C14orf132: variants seen among roughly 807,000 people sequenced by gnomAD.
C14orf132 encodes the protein chromosome 14 open reading frame 132, also known as uncharacterized protein C14orf132.
In C14orf132, 6 loss-of-function variants were observed where a neutral mutation model predicts 5.8. The ratio of observed to expected loss-of-function variants is 1.03; its 90% CI spans 0.57 to 2.04. C14orf132 has a LOEUF of 2.04. Among genes scored for constraint, C14orf132 ranks in the 30% most tolerant of loss-of-function variants. The pLI, the probability that C14orf132 is intolerant of heterozygous loss-of-function variation, is 0.00. For missense variants in C14orf132, 125 were observed against 115.8 expected (o/e 1.08, Z -0.37); for synonymous variants, 51 against 49.8 (o/e 1.02, Z -0.10).
chr14:96,090,323 G>A lies in C14orf132; in HGVS notation c.*3588G>A, dbSNP rs185487723. ...AGGAGAATTGCTTGAACCAGGAGGCGGAGGCTGCAGTGAGCTGAGATTGTG... is the reference window on the plus strand; with the variant it reads ...AGGAGAATTGCTTGAACCAGGAGGCAGAGGCTGCAGTGAGCTGAGATTGTG... On this transcript the variant is annotated 3_prime_UTR_variant, in exon 2 of 2. Transcript: ENST00000555004. 286 of 213,318 alleles carry A rather than the reference G, an allele frequency of 1.3e-3. 1 individual carries two copies. Among genetic ancestry groups the A allele is most frequent in the Non-Finnish European group, 2.0e-3 (216 of 106,552 alleles). The allele number at this position is 213,318 out of a possible 1,614,324, so 13.2% of individuals were successfully genotyped here.
chr14:96,067,630 C>A (rs554155924), intron 1 of C14orf132, among the ~76,000 whole-genome samples: 10 of 151,410 alleles, frequency 6.6e-5, no homozygotes, highest in African/African-American at 2.4e-4. Context: ...ACCCAGGAGG[C>A]AGAGGTTGCT....
At chr14:96,044,652 G>T (rs1886785366) in intron 1 of C14orf132, among the ~76,000 whole-genome samples, 1 of 152,162 alleles carries the variant, frequency 6.6e-6, no homozygotes, top group Non-Finnish European at 1.5e-5. Flanking sequence ...CTCTGAAGGT[G>T]CTGGGGGTGG....
intron 1 of C14orf132, among the ~76,000 whole-genome samples, chr14:96,047,878 A>G (rs1411831955): frequency 6.6e-6 from 1 of 152,108 alleles, no homozygotes; most frequent in East Asian, 1.9e-4. Flanking sequence ...TGACTAACCT[A>G]CGTCGACACA....
chr14:96,056,987 C>A (rs1344607936), intron 1 of C14orf132, among the ~76,000 whole-genome samples: 1 of 152,172 alleles, frequency 6.6e-6, no homozygotes, highest in East Asian at 1.9e-4. Context: ...AAAGTATGCT[C>A]CATCTAATCA....
intron 1 of C14orf132, among the ~76,000 whole-genome samples, chr14:96,068,605 C>T (rs1195587211): frequency 1.3e-5 from 2 of 152,116 alleles, no homozygotes; most frequent in African/African-American, 4.8e-5. Context: ...GATGAGCACA[C>T]GGACCATGTA....
At chr14:96,070,896 C>T (rs907665434) in intron 1 of C14orf132, among the ~76,000 whole-genome samples, 21 of 152,188 alleles carry the variant, frequency 1.4e-4, no homozygotes, top group African/African-American at 5.1e-4. Flanking sequence ...GCAGCTAAAC[C>T]ACTGTGAGTT....
chr14:96,056,057 A>C (rs11849066), intron 1 of C14orf132, among the ~76,000 whole-genome samples: 11,062 of 152,280 alleles, frequency 0.073, 468 homozygotes, highest in East Asian at 0.17. Context: ...AAATGTTTGG[A>C]ATGTTCCTGC....
chr14:96,068,116 A>G (rs11625651), intron 1 of C14orf132, among the ~76,000 whole-genome samples: 69,699 of 152,150 alleles, frequency 0.46, 16,955 homozygotes, highest in East Asian at 0.61. Flanking sequence ...AGTCAAGGAG[A>G]GTGGCAAGTA....
chr14:96,069,203 GT>G (rs59989764), intron 1 of C14orf132, among the ~76,000 whole-genome samples: 10 of 60,576 alleles, frequency 1.7e-4, no homozygotes, highest in African/African-American at 2.4e-4. Flanking sequence ...ATGTATATAT[GT>G]TATTGGTTCT....
rs1453856566 is a variant in C14orf132 at position 96,049,562 on chromosome 14, G to GTATATATACATATATACGTA, written c.27+10104_27+10123dup. ...CATACGTATATATATACATATATAC[G>GTATATATACATATATACGTA]TATATATACATATATACGTATATAT... On this transcript the variant is annotated intron_variant, in intron 1 of 1. Coordinates refer to ENST00000555004, the MANE Select transcript of C14orf132 (RefSeq NM_001252507.3). 1.9e-3 allele frequency among the ~76,000 whole-genome samples: 180 copies of GTATATATACATATATACGTA among 94,432 alleles called. 3 individuals carry two copies. Among genetic ancestry groups the GTATATATACATATATACGTA allele is most frequent in the Middle Eastern group, 6.8e-3 (1 of 146 alleles). The allele number at this position is 94,432 out of a possible 152,430, so 62.0% of individuals were successfully genotyped here. A position where few individuals can be genotyped will look rare whatever the true frequency, so the allele number is the denominator to read the frequency against.
intron 1 of C14orf132, among the ~76,000 whole-genome samples, chr14:96,076,782 G>C (rs545201339): frequency 2.6e-5 from 4 of 152,316 alleles, no homozygotes; most frequent in Non-Finnish European, 4.4e-5. Flanking sequence ...TAAACAATTA[G>C]TACTATAAAT....
chr14:96,049,207 G>T (rs1339758779), intron 1 of C14orf132, among the ~76,000 whole-genome samples: 1 of 152,012 alleles, frequency 6.6e-6, no homozygotes, highest in Non-Finnish European at 1.5e-5. Flanking sequence ...TGAAGTTTTG[G>T]CAATTATTAA....
intron 1 of C14orf132, among the ~76,000 whole-genome samples, chr14:96,070,363 C>T (rs1887666871): frequency 6.6e-6 from 1 of 152,190 alleles, no homozygotes; most frequent in Non-Finnish European, 1.5e-5. Context: ...TCAGCCCAGC[C>T]TTCCCTTTCT....
At chr14:96,054,369 C>T (rs142882269) in intron 1 of C14orf132, among the ~76,000 whole-genome samples, 9 of 152,290 alleles carry the variant, frequency 5.9e-5, no homozygotes, top group African/African-American at 9.6e-5. Context: ...AGTTATGATA[C>T]GTTGCCACAA....
intron 1 of C14orf132, among the ~76,000 whole-genome samples, chr14:96,083,113 G>T (rs538987022): frequency 6.6e-5 from 10 of 152,348 alleles, no homozygotes; most frequent in East Asian, 1.9e-4. Flanking sequence ...CTGTCCCACG[G>T]CTGGGAGCTC....
At chr14:96,070,369 T>C (rs1887667089) in intron 1 of C14orf132, among the ~76,000 whole-genome samples, 1 of 152,168 alleles carries the variant, frequency 6.6e-6, no homozygotes, top group Non-Finnish European at 1.5e-5. Context: ...CAGCCTTCCC[T>C]TTCTGGAGAC....
Position 96,092,146 on chromosome 14 carries a change from A to G in C14orf132, c.*5411A>G, listed in dbSNP as rs1888427517. The G allele has an allele frequency of 6.6e-6, 1 of 152,256 alleles. No individual in the cohort carries two copies. Among genetic ancestry groups the G allele is most frequent in the South Asian group, 2.1e-4 (1 of 4,834 alleles). 9.4% of individuals were successfully genotyped at this position (152,256 alleles called of 1,614,324 possible). On this transcript the variant is annotated 3_prime_UTR_variant, in exon 2 of 2. Transcript: ENST00000555004. Reference sequence around the variant, plus strand: ...TGTGTTCTGAGTCACTGTAGAAGTCATGCATTTATTATCAAGATAGAAAAG... The same window carrying G: ...TGTGTTCTGAGTCACTGTAGAAGTCGTGCATTTATTATCAAGATAGAAAAG...
chr14:96,083,243 T>G (rs1231068255), intron 1 of C14orf132, among the ~76,000 whole-genome samples: 1 of 152,030 alleles, frequency 6.6e-6, no homozygotes, highest in African/African-American at 2.4e-5. Flanking sequence ...GCTGAGGGGG[T>G]TTGTGATGAG....
At chr14:96,040,282 A>G in intron 1 of C14orf132, 1 of 398,536 alleles carries the variant, frequency 2.5e-6, no homozygotes, top group Non-Finnish European at 4.4e-6. Context: ...CAGAACAAAG[A>G]CAAATCCCGG....
Sources: gnomAD v4.1 joint callset for allele counts (sites outside exome capture counted in the v4.1 genomes callset) on GRCh38, gnomAD v4.1.1 for gene constraint, MANE v1.5 for transcripts, NCBI Gene and HGNC (gene_info 2026-07-23, HGNC 2026-07-21) for gene names.